WNK3: variants seen among roughly 807,000 people sequenced by gnomAD.
WNK3 encodes the protein WNK lysine deficient protein kinase 3.
Under a neutral mutation model 116.7 loss-of-function variants are expected in WNK3, and 18 were observed. The observed-to-expected ratio is 0.15, with a 90% CI of 0.11 to 0.23. WNK3 has a LOEUF of 0.23. Among genes scored for constraint, WNK3 ranks in the 10% least tolerant of loss-of-function variants. The pLI is 1.00. For missense variants in WNK3, 993 were observed against 1,323.8 expected (o/e 0.75, Z 3.88); for synonymous variants, 404 against 469.4 (o/e 0.86, Z 1.80).
chrX:54,232,406 T>C (rs782580802), intron 21 of WNK3, among the ~76,000 whole-genome samples: 1 of 111,331 alleles, frequency 9.0e-6, no homozygotes, highest in South Asian at 3.8e-4. Context: ...CCTCCCAAAG[T>C]GTTGGGATTA....
At chrX:54,343,192 A>T (rs1332305652) in intron 1 of WNK3, among the ~76,000 whole-genome samples, 1 of 110,565 alleles carries the variant, frequency 9.0e-6, no homozygotes, top group Non-Finnish European at 1.9e-5. Flanking sequence ...GCCATCGTGG[A>T]TCTTCACCAT....
At chrX:54,278,478 T>C (rs1557161542) in intron 10 of WNK3, among the ~76,000 whole-genome samples, 3 of 110,115 alleles carry the variant, frequency 2.7e-5, no homozygotes, top group Non-Finnish European at 5.7e-5. Context: ...CTACCCAATA[T>C]TAAGGCTTTC....
At chrX:54,242,492 G>A (rs1029201887) in intron 17 of WNK3, among the ~76,000 whole-genome samples, 6 of 112,171 alleles carry the variant, frequency 5.3e-5, no homozygotes, top group African/African-American at 1.9e-4. Flanking sequence ...GAACAAAGTT[G>A]GAGGACTCAC....
At chrX:54,225,610 G>T (rs1325806166) in intron 22 of WNK3, among the ~76,000 whole-genome samples, 2 of 91,871 alleles carry the variant, frequency 2.2e-5, no homozygotes, top group Non-Finnish European at 4.1e-5. Flanking sequence ...AACAGAGAGA[G>T]ACTCTGTTTC....
chrX:54,214,751 G>A (rs915050489), intron 22 of WNK3, among the ~76,000 whole-genome samples: 16 of 110,995 alleles, frequency 1.4e-4, no homozygotes, highest in Admixed American at 1.1e-3. Flanking sequence ...GGTGGCTCAC[G>A]CCTGTAATCC....
chrX:54,332,904 C>T (rs781856608), intron 2 of WNK3, among the ~76,000 whole-genome samples: 1 of 108,918 alleles, frequency 9.2e-6, no homozygotes, highest in Admixed American at 9.9e-5. Flanking sequence ...AAAAACAAAG[C>T]CATGATAGAT....
intron 7 of WNK3, among the ~76,000 whole-genome samples, chrX:54,297,822 C>A (rs1250323721): frequency 1.8e-5 from 2 of 111,139 alleles, no homozygotes; most frequent in Non-Finnish European, 3.8e-5. Flanking sequence ...GCCTGTAATC[C>A]CAGCACTTTG....
chrX:54,347,695 C>CATATATATATAT (rs2069453855), intron 1 of WNK3, among the ~76,000 whole-genome samples: 1 of 96,062 alleles, frequency 1.0e-5, no homozygotes, highest in Admixed American at 1.1e-4. Flanking sequence ...TATATATATA[C>CATATATATATAT]ACATATATAT....
At chrX:54,259,975 A>G (rs2068238608) in intron 10 of WNK3, among the ~76,000 whole-genome samples, 1 of 111,973 alleles carries the variant, frequency 8.9e-6, no homozygotes, top group Non-Finnish European at 1.9e-5. Flanking sequence ...TTCCTTACCC[A>G]GTTTAAACCC....
intron 22 of WNK3, among the ~76,000 whole-genome samples, chrX:54,220,821 T>C (rs892569888): frequency 9.0e-5 from 10 of 111,189 alleles, no homozygotes; most frequent in African/African-American, 3.3e-4. Context: ...TATTTTAGAG[T>C]TCCTATTAAA....
Position 54,343,148 on chromosome X carries a change from G to T in WNK3, c.-119-9356C>A, listed in dbSNP as rs140011823. ...TTATAGGCATGAGTCACCATGCCAG[G>T]CCTCAATAGTTTCTTGACTATGGTA... On this transcript the variant is annotated intron_variant, in intron 1 of 23. Transcript: ENST00000354646. 2.2e-3 allele frequency among the ~76,000 whole-genome samples: 241 copies of T among 110,593 alleles called. 1 individual carries two copies. The highest frequency in any genetic ancestry group is 7.7e-3 in the African/African-American group (236 of 30,485).
At chrX:54,237,619 T>C in intron 19 of WNK3, 68 bp from the exon 20 acceptor site, 1 of 1,046,960 alleles carries the variant, frequency 9.6e-7, no homozygotes, top group Admixed American at 3.4e-5. Flanking sequence ...GTGATGTATA[T>C]GTATTGATAC....
intron 22 of WNK3, among the ~76,000 whole-genome samples, chrX:54,215,606 G>A (rs1200658714): frequency 3.6e-5 from 4 of 111,702 alleles, no homozygotes; most frequent in Non-Finnish European, 5.7e-5. Context: ...CTGCCCGGCC[G>A]CCACCCCGTC....
chrX:54,218,645 A>AG (rs2067726624), intron 22 of WNK3, among the ~76,000 whole-genome samples: 2 of 108,354 alleles, frequency 1.8e-5, no homozygotes, highest in South Asian at 8.1e-4. Context: ...GCACTATGGG[A>AG]GGCCAAGGCA....
chrX:54,317,516 A>T (rs1378175229), intron 2 of WNK3, among the ~76,000 whole-genome samples: 4 of 111,531 alleles, frequency 3.6e-5, no homozygotes, highest in Middle Eastern at 4.7e-3. Context: ...CAGGAAAGAC[A>T]AACATTGCTT....
At chrX:54,338,547 A>T (rs2147280315) in intron 1 of WNK3, among the ~76,000 whole-genome samples, 1 of 108,733 alleles carries the variant, frequency 9.2e-6, no homozygotes, top group African/African-American at 3.3e-5. Context: ...CTACAGTCCA[A>T]CCTGGGTGAC....
At chrX:54,304,571 C>T (rs2068803017) in intron 5 of WNK3, among the ~76,000 whole-genome samples, 1 of 109,222 alleles carries the variant, frequency 9.2e-6, no homozygotes, top group Non-Finnish European at 1.9e-5. Context: ...TAATCGTCCC[C>T]CCTAAAATAC....
At chrX:54,209,809 C>A (rs2067594291) in intron 22 of WNK3, among the ~76,000 whole-genome samples, 1 of 110,417 alleles carries the variant, frequency 9.1e-6, no homozygotes, top group Non-Finnish European at 1.9e-5. Context: ...CCTCAGCCTC[C>A]CCAAGTGTTG....
chrX:54,217,877 T>C (rs1191931327), intron 22 of WNK3, among the ~76,000 whole-genome samples: 1 of 111,066 alleles, frequency 9.0e-6, no homozygotes, highest in Non-Finnish European at 1.9e-5. Context: ...CAACAACCCT[T>C]GAGGGGTAGA....
Sources: allele counts gnomAD v4.1 joint callset (sites outside exome capture counted in the v4.1 genomes callset), GRCh38; gene constraint gnomAD v4.1.1; transcripts MANE v1.5; gene names NCBI Gene and HGNC (gene_info 2026-07-23, HGNC 2026-07-21).